Variants in PTPN12 observed in about 807,000 individuals in gnomAD.
PTPN12 encodes protein tyrosine phosphatase non-receptor type 12.
Under a neutral mutation model 97.6 loss-of-function variants are expected in PTPN12, and 29 were observed. That is an observed-to-expected ratio of 0.30 (90% CI 0.22 to 0.41). The LOEUF is 0.41. Ranked by LOEUF, PTPN12 falls within the 10% of genes least tolerant of loss-of-function variation. The pLI is 1.00. For synonymous variants in PTPN12, 327 were observed against 300.4 expected (o/e 1.09, Z -0.91); for missense variants, 819 against 926.0 (o/e 0.88, Z 1.50).
chr7:77,552,447 A>G (rs1175699261), intron 1 of PTPN12, among the ~76,000 whole-genome samples: 1 of 152,214 alleles, frequency 6.6e-6, no homozygotes, highest in Non-Finnish European at 1.5e-5. Context: ...ATTTTCAAAT[A>G]TGTTCTAAAA....
At chr7:77,606,309 C>T (rs1195036570) in intron 8 of PTPN12, among the ~76,000 whole-genome samples, 2 of 151,780 alleles carry the variant, frequency 1.3e-5, no homozygotes, top group Non-Finnish European at 2.9e-5. Flanking sequence ...GTTAGCTAGT[C>T]ACATTTTCTG....
At chr7:77,584,973 T>C (rs865898987) in intron 4 of PTPN12, among the ~76,000 whole-genome samples, 8 of 152,062 alleles carry the variant, frequency 5.3e-5, no homozygotes, top group Middle Eastern at 3.2e-3. Flanking sequence ...TACTTTGAAA[T>C]GCATTTTTAA....
intron 1 of PTPN12, among the ~76,000 whole-genome samples, chr7:77,559,943 A>G (rs1807922618): frequency 6.6e-6 from 1 of 152,242 alleles, no homozygotes; most frequent in South Asian, 2.1e-4. Context: ...ATTAAAGGCA[A>G]GAATGACAAG....
intron 1 of PTPN12, among the ~76,000 whole-genome samples, chr7:77,538,998 T>G (rs2151291103): frequency 6.6e-6 from 1 of 152,260 alleles, no homozygotes; most frequent in Admixed American, 6.5e-5. Context: ...GAAATCTGAT[T>G]ATGAGAAGGA....
At chr7:77,547,777 G>A (rs1807290970) in intron 1 of PTPN12, among the ~76,000 whole-genome samples, 1 of 152,206 alleles carries the variant, frequency 6.6e-6, no homozygotes, top group Admixed American at 6.5e-5. Flanking sequence ...TGAAGGAAGA[G>A]TTTGTCAGGT....
In PTPN12 at chr7:77,597,563, A is replaced by C. The variant is rs186618244; in HGVS notation, c.493-279A>C. Among the ~76,000 whole-genome samples the C allele has an allele frequency of 2.7e-4, 41 of 152,316 alleles. 1 individual carries two copies. The highest frequency in any genetic ancestry group is 8.4e-4 in the African/African-American group (35 of 41,562). On this transcript the variant is annotated intron_variant, in intron 6 of 17. Coordinates refer to ENST00000248594, the MANE Select transcript of PTPN12 (RefSeq NM_002835.4). ...TTTCCTTTTATTATTTTTAATTGACACATAGTATCTATACTTATTAATGGG... is the reference window on the plus strand; with the variant it reads ...TTTCCTTTTATTATTTTTAATTGACCCATAGTATCTATACTTATTAATGGG...
chr7:77,618,105 T>G (rs1240323762), intron 11 of PTPN12, among the ~76,000 whole-genome samples: 2 of 152,228 alleles, frequency 1.3e-5, no homozygotes, highest in East Asian at 3.9e-4. Context: ...CCTTATTTGT[T>G]GGCTTTTTTT....
chr7:77,605,860 G>A (rs889355898), intron 8 of PTPN12, among the ~76,000 whole-genome samples: 3 of 151,164 alleles, frequency 2.0e-5, no homozygotes, highest in Non-Finnish European at 4.4e-5. Context: ...GTTTTCTAGG[G>A]CTTATAGCAT....
At chr7:77,633,701 G>A (rs1323289371) in intron 14 of PTPN12, among the ~76,000 whole-genome samples, 2 of 152,070 alleles carry the variant, frequency 1.3e-5, no homozygotes, top group Admixed American at 1.3e-4. Context: ...GGCGTCACTG[G>A]ATTGGTGTTA....
chr7:77,568,257 C>G (rs2151315567), intron 1 of PTPN12, among the ~76,000 whole-genome samples: 2 of 152,282 alleles, frequency 1.3e-5, no homozygotes, highest in South Asian at 4.2e-4. Flanking sequence ...TCTCAAGGTT[C>G]ATTATGAGAA....
At chr7:77,563,420 C>T (rs1808084668) in intron 1 of PTPN12, among the ~76,000 whole-genome samples, 1 of 152,102 alleles carries the variant, frequency 6.6e-6, no homozygotes, top group Non-Finnish European at 1.5e-5. Flanking sequence ...TTACTGTACA[C>T]TGGGATATGT....
At chr7:77,544,406 C>T (rs1347612996) in intron 1 of PTPN12, among the ~76,000 whole-genome samples, 1 of 152,190 alleles carries the variant, frequency 6.6e-6, no homozygotes, top group Non-Finnish European at 1.5e-5. Context: ...TTTACATCAA[C>T]TAACTTCAGA....
At chr7:77,625,614 G>A (rs1789150436) in intron 12 of PTPN12, among the ~76,000 whole-genome samples, 1 of 111,992 alleles carries the variant, frequency 8.9e-6, no homozygotes, top group Admixed American at 1.4e-4. Context: ...CTGTCGCCCA[G>A]ACTGGAGTGC....
intron 1 of PTPN12, among the ~76,000 whole-genome samples, chr7:77,570,136 G>GA (rs1319265364): frequency 6.6e-6 from 1 of 151,968 alleles, no homozygotes; most frequent in African/African-American, 2.4e-5. Flanking sequence ...TTATCATAAA[G>GA]AAAAAAATGT....
intron 1 of PTPN12, among the ~76,000 whole-genome samples, chr7:77,560,884 C>T (rs980266226): frequency 6.6e-6 from 1 of 152,140 alleles, no homozygotes; most frequent in African/African-American, 2.4e-5. Context: ...CTGTTCGAGA[C>T]CCTGCTTTCC....
intron 6 of PTPN12, 176 bp downstream of exon 6, chr7:77,592,432 GT>G (rs1291877840): frequency 2.3e-5 from 11 of 482,750 alleles, no homozygotes; most frequent in Non-Finnish European, 3.6e-5. Flanking sequence ...AAGCTTTTGG[GT>G]TGACTTCATA....
chr7:77,595,445 G>T (rs557454935), intron 6 of PTPN12, among the ~76,000 whole-genome samples: 3 of 152,320 alleles, frequency 2.0e-5, no homozygotes, highest in African/African-American at 7.2e-5. Context: ...AAAGGGTGAA[G>T]ACTGGTTAGC....
Position 77,635,791 on chromosome 7 carries a change from T to C in PTPN12, c.2084T>C (p.Val695Ala), listed in dbSNP as rs747279437. 8.1e-6 allele frequency: 13 copies of C among 1,599,356 alleles called. No homozygotes were observed. In the East Asian group the frequency reaches 2.9e-4, roughly 36 times the overall value. ...ATTTCATTTTTCTCAGATACACCTG[T>C]AAGATCGGAATGGAGTGAACTTCAA... Reference protein sequence around the residue: ...FVLASEHNTPVRSEWSELQSQ... With the variant: ...FVLASEHNTPARSEWSELQSQ... Residue 695 changes from valine (V) to alanine (A), a missense_variant, in exon 15 of 18, where the codon GTA becomes GCA. Val to Ala is a moderately conservative substitution (Grantham distance 64). Around this residue, in one of 5 missense-constraint regions of PTPN12, gnomAD observed 607 missense variants for 577.3 expected, o/e 1.05. Coordinates refer to ENST00000248594, the MANE Select transcript of PTPN12 (RefSeq NM_002835.4).
intron 5 of PTPN12, among the ~76,000 whole-genome samples, chr7:77,589,890 G>A (rs367986362): frequency 2.6e-5 from 4 of 152,240 alleles, no homozygotes; most frequent in African/African-American, 7.2e-5. Context: ...TCAAGTTATT[G>A]ATGAAAAATC....
Sources: gnomAD v4.1 joint callset for allele counts (sites outside exome capture counted in the v4.1 genomes callset) on GRCh38, gnomAD v4.1.1 for gene constraint, gnomAD v4.1.1 regional missense constraint, MANE v1.5 for transcripts, NCBI Gene and HGNC (gene_info 2026-07-23, HGNC 2026-07-21) for gene names.